The following DYTN variants were observed in gnomAD, a reference collection of about 807,000 sequenced individuals.
DYTN encodes the protein dystrotelin.
In DYTN, 75 loss-of-function variants were observed where a neutral mutation model predicts 69.6. That is an observed-to-expected ratio of 1.08 (90% CI 0.89 to 1.31). The LOEUF (loss-of-function observed/expected upper bound fraction) is 1.31. DYTN is among the 50% of genes most tolerant of loss of function. DYTN has a pLI of 0.00. For synonymous variants in DYTN, 252 were observed against 249.1 expected (o/e 1.01, Z -0.11); for missense variants, 726 against 688.4 (o/e 1.05, Z -0.61).
intron 11 of DYTN, among the ~76,000 whole-genome samples, chr2:206,660,902 G>A (rs1559304514): frequency 6.6e-6 from 1 of 152,100 alleles, no homozygotes; most frequent in Non-Finnish European, 1.5e-5. Flanking sequence ...GGGCTGAAAT[G>A]TGCCCCCCTC....
intron 2 of DYTN, among the ~76,000 whole-genome samples, chr2:206,708,451 A>G (rs1222917426): frequency 1.3e-5 from 2 of 152,222 alleles, no homozygotes; most frequent in African/African-American, 4.8e-5. Flanking sequence ...TATAATAAAA[A>G]TTTTTATTTG....
chr2:206,651,863 G>T lies in DYTN; in HGVS notation c.1692C>A (p.Ala564=). The change falls in exon 12 of 12, where the codon GCC becomes GCA. Residue 564 remains alanine (A), a synonymous_variant. Transcript: ENST00000452335. ...CAATTTGATCAACAAGGGCAGAGAA[G>T]GCCCTGCACACTCGCTGAGCTCCAC... ...LYSGAQRVCR[A]FSALVDQIAL... 1 of 1,613,650 alleles carries T rather than the reference G, an allele frequency of 6.2e-7. No individual in the cohort carries two copies.
At chr2:206,717,155 A>G (rs1326411771) in intron 1 of DYTN, among the ~76,000 whole-genome samples, 3 of 152,206 alleles carry the variant, frequency 2.0e-5, no homozygotes, top group Non-Finnish European at 4.4e-5. Context: ...TAGATGCTTA[A>G]AGAAATAGTA....
chr2:206,703,341 C>A (rs920104928), intron 5 of DYTN, among the ~76,000 whole-genome samples: 1 of 152,250 alleles, frequency 6.6e-6, no homozygotes, highest in East Asian at 1.9e-4. Flanking sequence ...TTCCCAGGCC[C>A]CCACCTGCTC....
At chr2:206,700,336 C>CAGTTCACCTCGTCTCA in intron 5 of DYTN, 120 bp from the exon 6 acceptor site, 2 of 1,049,296 alleles carry the variant, frequency 1.9e-6, no homozygotes, top group Non-Finnish European at 2.9e-6. Context: ...GTATCTGAGA[C>CAGTTCACCTCGTCTCA]GAGGTGAACT....
chr2:206,697,147 C>T (rs879836817), intron 7 of DYTN, among the ~76,000 whole-genome samples: 7 of 152,184 alleles, frequency 4.6e-5, no homozygotes, highest in African/African-American at 1.7e-4. Flanking sequence ...CTGTGATTAA[C>T]TTATTTAGGA....
intron 9 of DYTN, among the ~76,000 whole-genome samples, chr2:206,671,295 A>G (rs544437467): frequency 5.9e-4 from 90 of 152,306 alleles, no homozygotes; most frequent in Admixed American, 2.7e-3. Context: ...TTTTAGGAAC[A>G]TTGTTGCACA....
intron 9 of DYTN, among the ~76,000 whole-genome samples, chr2:206,691,826 G>T (rs374593961): frequency 1.9e-4 from 29 of 152,196 alleles, no homozygotes; most frequent in African/African-American, 7.0e-4. Context: ...CAGAAATAGG[G>T]GTCTGGGATT....
chr2:206,692,942 A>G lies in DYTN; in HGVS notation c.980+233T>C, dbSNP rs191059300. The stretch of plus-strand genomic sequence containing the variant: ...TTGTCTTTCTGATGGTTTCATTTGT[A>G]GAAATAACTCTAAACATCTGGATGG... On this transcript the variant is annotated intron_variant, in intron 9 of 11. Coordinates refer to ENST00000452335, the MANE Select transcript of DYTN (RefSeq NM_001093730.1). Among the ~76,000 whole-genome samples the G allele has an allele frequency of 1.1e-3, 163 of 152,320 alleles. 1 individual carries two copies. Among genetic ancestry groups the G allele is most frequent in the African/African-American group, 3.6e-3 (151 of 41,564 alleles).
At chr2:206,664,064 C>G (rs1234205285) in intron 10 of DYTN, among the ~76,000 whole-genome samples, 1 of 149,096 alleles carries the variant, frequency 6.7e-6, no homozygotes, top group Non-Finnish European at 1.5e-5. Flanking sequence ...CCCTCATACA[C>G]TAGCAGTGGA....
chr2:206,656,785 G>T (rs953488167), intron 11 of DYTN, among the ~76,000 whole-genome samples: 1 of 145,210 alleles, frequency 6.9e-6, no homozygotes. Flanking sequence ...TTTTTGAGAC[G>T]GAGTTTCACT....
At chr2:206,672,099 T>G (rs1042025807) in intron 9 of DYTN, among the ~76,000 whole-genome samples, 2 of 152,196 alleles carry the variant, frequency 1.3e-5, no homozygotes, top group Non-Finnish European at 2.9e-5. Context: ...AAAGATATAC[T>G]TCAAACAGAT....
At chr2:206,705,424 T>G (rs1477375089) in intron 4 of DYTN, among the ~76,000 whole-genome samples, 5 of 152,192 alleles carry the variant, frequency 3.3e-5, no homozygotes, top group Admixed American at 3.3e-4. Flanking sequence ...TAACCGTAAT[T>G]TGATAACTAA....
At chr2:206,679,095 G>A (rs1699721929) in intron 9 of DYTN, 1 of 152,130 alleles carries the variant, frequency 6.6e-6, no homozygotes, top group South Asian at 2.1e-4. Flanking sequence ...GGAGGCACCT[G>A]TGGCTGCTGT....
chr2:206,711,436 T>C (rs1482486732), intron 1 of DYTN, among the ~76,000 whole-genome samples: 2 of 152,188 alleles, frequency 1.3e-5, no homozygotes, highest in African/African-American at 2.4e-5. Flanking sequence ...TTACTTTTGA[T>C]CTTCAGTTTC....
chr2:206,686,684 C>T (rs1354910249), intron 9 of DYTN: 1 of 152,284 alleles, frequency 6.6e-6, no homozygotes, highest in East Asian at 1.9e-4. Context: ...CAAATGTCCC[C>T]ATGGGCATCT....
At chr2:206,694,924 A>C in intron 7 of DYTN, 47 bp from the exon 8 acceptor site, 1 of 913,424 alleles carries the variant, frequency 1.1e-6, no homozygotes, top group Middle Eastern at 2.5e-4. Context: ...GTAGATGAGA[A>C]AAAAAAAAAA....
At chr2:206,697,937 A>G (rs2105898792) in intron 7 of DYTN, among the ~76,000 whole-genome samples, 1 of 152,336 alleles carries the variant, frequency 6.6e-6, no homozygotes, top group Non-Finnish European at 1.5e-5. Flanking sequence ...TAGAAATAGT[A>G]TCTGCTTTAT....
At chr2:206,662,857 T>C in intron 11 of DYTN, 46 bp downstream of exon 11, 1 of 1,561,884 alleles carries the variant, frequency 6.4e-7, no homozygotes, top group South Asian at 1.2e-5. Context: ...AAAAGGCAGC[T>C]TGAATCCTTG....
Sources: gnomAD v4.1 joint callset for allele counts (sites outside exome capture counted in the v4.1 genomes callset) on GRCh38, gnomAD v4.1.1 for gene constraint, MANE v1.5 for transcripts, NCBI Gene and HGNC (gene_info 2026-07-23, HGNC 2026-07-21) for gene names.